The following NINJ2 variants were observed in gnomAD, a reference collection of about 807,000 sequenced individuals.
The protein encoded by NINJ2 is ninjurin 2, also known as ninjurin-2.
Under a neutral mutation model 11.7 loss-of-function variants are expected in NINJ2, and 12 were observed. The ratio of observed to expected loss-of-function variants is 1.02; its 90% CI spans 0.66 to 1.66. NINJ2 has a LOEUF of 1.66. NINJ2 is among the 40% of genes most tolerant of loss of function. The pLI is 0.00. For missense variants in NINJ2, 187 were observed against 181.8 expected (o/e 1.03, Z -0.16); for synonymous variants, 93 against 76.8 (o/e 1.21, Z -1.10).
chr12:571,950 T>G (rs1223883573), intron 1 of NINJ2, among the ~76,000 whole-genome samples: 2 of 152,196 alleles, frequency 1.3e-5, no homozygotes, highest in African/African-American at 4.8e-5. Context: ...CCCTGGGGCC[T>G]GTGGCAGGCA....
chr12:638,011 C>CT (rs1285472671), intron 1 of NINJ2, among the ~76,000 whole-genome samples: 15 of 152,316 alleles, frequency 9.8e-5, no homozygotes, highest in Non-Finnish European at 8.8e-5. Context: ...GGACCAGCAC[C>CT]ATTTGTGCTT....
At chr12:647,200 C>T (rs1407153260) in intron 1 of NINJ2, among the ~76,000 whole-genome samples, 3 of 152,232 alleles carry the variant, frequency 2.0e-5, no homozygotes, top group African/African-American at 7.2e-5. Context: ...AAAGCCCACT[C>T]TTGCCTTCAG....
At chr12:601,502 CA>C (rs1424876755) in intron 1 of NINJ2, among the ~76,000 whole-genome samples, 1 of 150,848 alleles carries the variant, frequency 6.6e-6, no homozygotes, top group East Asian at 1.9e-4. Context: ...GAGCCAAGAT[CA>C]GGCCACTGCA....
At chr12:611,277 CTCTCTT>C (rs1948030203) in intron 1 of NINJ2, among the ~76,000 whole-genome samples, 2 of 147,066 alleles carry the variant, frequency 1.4e-5, no homozygotes, top group African/African-American at 5.0e-5. Context: ...TTCTTTCTCT[CTCTCTT>C]TCTTTCTCTT....
chr12:566,397 C>T (rs1343899577), intron 1 of NINJ2, among the ~76,000 whole-genome samples: 2 of 152,194 alleles, frequency 1.3e-5, no homozygotes, highest in Non-Finnish European at 2.9e-5. Flanking sequence ...GCAGTTGATA[C>T]TTCCTGGAGA....
chr12:637,582 A>G (rs1347992102), intron 1 of NINJ2, among the ~76,000 whole-genome samples: 1 of 151,456 alleles, frequency 6.6e-6, no homozygotes, highest in Non-Finnish European at 1.5e-5. Flanking sequence ...CAGAGGTTGC[A>G]GTGAGCCAAG....
chr12:576,330 G>C (rs1252390439), intron 1 of NINJ2, among the ~76,000 whole-genome samples: 1 of 152,210 alleles, frequency 6.6e-6, no homozygotes, highest in Non-Finnish European at 1.5e-5. Flanking sequence ...CCGCCCGCGC[G>C]GGCACACCCG....
intron 1 of NINJ2, among the ~76,000 whole-genome samples, chr12:569,081 T>C (rs1947342688): frequency 6.6e-6 from 1 of 152,240 alleles, no homozygotes; most frequent in Non-Finnish European, 1.5e-5. Context: ...GGCCGGGGTT[T>C]CAGCTGGTGC....
intron 1 of NINJ2, among the ~76,000 whole-genome samples, chr12:605,152 G>C (rs531441152): frequency 6.6e-6 from 1 of 152,204 alleles, no homozygotes; most frequent in Non-Finnish European, 1.5e-5. Context: ...CCACGTACAT[G>C]TCCCTGACAG....
chr12:605,850 T>C (rs1947935963), intron 1 of NINJ2, among the ~76,000 whole-genome samples: 1 of 152,228 alleles, frequency 6.6e-6, no homozygotes, highest in Non-Finnish European at 1.5e-5. Flanking sequence ...AGTAAGCTTT[T>C]TGGTGCCTCA....
intron 1 of NINJ2, among the ~76,000 whole-genome samples, chr12:578,954 C>G (rs1454828453): frequency 6.6e-6 from 1 of 152,188 alleles, no homozygotes; most frequent in Non-Finnish European, 1.5e-5. Context: ...GAGAGCCTCT[C>G]GTTTTTGCTG....
intron 1 of NINJ2, among the ~76,000 whole-genome samples, chr12:584,408 C>A (rs1947603464): frequency 6.6e-6 from 1 of 152,206 alleles, no homozygotes; most frequent in African/African-American, 2.4e-5. Context: ...CGGTGGCTCA[C>A]GCCTGTAATC....
rs59384072 is a variant in NINJ2, at chr12:603,006, A to AT, written c.34-36829dup. 1.5e-4 allele frequency among the ~76,000 whole-genome samples: 23 copies of AT among 150,222 alleles called. No individual in the cohort carries two copies. The South Asian group carries it at 3.0e-3, about 19-fold the overall frequency. ...TGGCCACCATGCAAGCTAATTTTTA[A>AT]TTTTTTTTTTTGTAGAGATGAGATC... On this transcript the variant is annotated intron_variant, in intron 1 of 3. Transcript: ENST00000305108.
At chr12:653,644 T>C (rs1463196754) in intron 1 of NINJ2, among the ~76,000 whole-genome samples, 1 of 151,312 alleles carries the variant, frequency 6.6e-6, no homozygotes, top group Non-Finnish European at 1.5e-5. Context: ...ACACTATGAA[T>C]GGAGATAAAA....
intron 1 of NINJ2, chr12:643,405 C>A (rs1937624696): frequency 1.0e-6 from 1 of 980,382 alleles, no homozygotes; most frequent in South Asian, 4.7e-5. Context: ...GTCGCGCCAG[C>A]CCTCGGGCCT....
At chr12:578,988 C>T (rs568558223) in intron 1 of NINJ2, among the ~76,000 whole-genome samples, 2 of 152,284 alleles carry the variant, frequency 1.3e-5, no homozygotes, top group Admixed American at 6.5e-5. Context: ...GTGATGGAGC[C>T]TAAATCCAGA....
At chr12:634,769 C>T (rs1032689702) in intron 1 of NINJ2, among the ~76,000 whole-genome samples, 5 of 152,212 alleles carry the variant, frequency 3.3e-5, no homozygotes, top group African/African-American at 2.4e-5. Context: ...AAATTGGCAC[C>T]TCCAGAATGT....
intron 1 of NINJ2, among the ~76,000 whole-genome samples, chr12:656,980 A>G (rs1937881681): frequency 6.6e-6 from 1 of 152,144 alleles, no homozygotes. Flanking sequence ...CAGACCTTCC[A>G]CCCTCTACAA....
At chr12:587,881 A>G (rs1324956454) in intron 1 of NINJ2, among the ~76,000 whole-genome samples, 1 of 152,152 alleles carries the variant, frequency 6.6e-6, no homozygotes, top group Non-Finnish European at 1.5e-5. Context: ...CTCTCACCTG[A>G]TCACTATCCG....
Sources: allele counts gnomAD v4.1 joint callset (sites outside exome capture counted in the v4.1 genomes callset), GRCh38; gene constraint gnomAD v4.1.1; transcripts MANE v1.5; gene names NCBI Gene and HGNC (gene_info 2026-07-23, HGNC 2026-07-21).